The following C6 variants were observed in gnomAD, a reference collection of about 807,000 sequenced individuals.
The protein encoded by C6 is complement C6.
Under a neutral mutation model 112.9 loss-of-function variants are expected in C6, and 101 were observed. That is an observed-to-expected ratio of 0.89 (90% CI 0.76 to 1.06). The LOEUF is 1.06. Ranked by LOEUF, C6 falls within the 50% of genes least tolerant of loss-of-function variation. The probability of loss-of-function intolerance (pLI) is 0.00; values close to 1 mark genes in which losing one functional copy is unlikely to be tolerated. For missense variants in C6, 1,202 were observed against 1,104.6 expected (o/e 1.09, Z -1.25); for synonymous variants, 431 against 384.1 (o/e 1.12, Z -1.43).
intron 10 of C6, 41 bp from the exon 11 acceptor site, chr5:41,160,408 T>A (rs757442577): frequency 1.7e-5 from 25 of 1,502,314 alleles, no homozygotes; most frequent in South Asian, 2.3e-5. Context: ...TCACATCCCC[T>A]TTGGTAATAG....
chr5:41,207,730 A>T (rs1404863165), intron 1 of C6, among the ~76,000 whole-genome samples: 1 of 152,054 alleles, frequency 6.6e-6, no homozygotes, highest in African/African-American at 2.4e-5. Context: ...TCATAAAGCC[A>T]GTCCTTAGAG....
intron 1 of C6, among the ~76,000 whole-genome samples, chr5:41,244,136 A>G (rs932016540): frequency 6.6e-6 from 1 of 152,238 alleles, no homozygotes; most frequent in East Asian, 1.9e-4. Flanking sequence ...TTTTGAACTT[A>G]ATGTGTGAAA....
chr5:41,226,706 T>A (rs11953461), intron 1 of C6, among the ~76,000 whole-genome samples: 1,534 of 152,280 alleles, frequency 0.01, 33 homozygotes, highest in African/African-American at 0.035. Flanking sequence ...GATCACACAA[T>A]GTTTGTCTTT....
At chr5:41,183,745 A>C (rs1749537389) in intron 6 of C6, among the ~76,000 whole-genome samples, 1 of 152,320 alleles carries the variant, frequency 6.6e-6, no homozygotes, top group Non-Finnish European at 1.5e-5. Context: ...GCCAATCAGC[A>C]GTGGATTGGA....
intron 1 of C6, among the ~76,000 whole-genome samples, chr5:41,247,387 A>G (rs1389347737): frequency 2.6e-5 from 4 of 152,182 alleles, no homozygotes; most frequent in Non-Finnish European, 5.9e-5. Context: ...ATACATTAAT[A>G]ATGTTCAAGC....
At chr5:41,168,065 A>G (rs1035150928) in intron 9 of C6, among the ~76,000 whole-genome samples, 18 of 152,156 alleles carry the variant, frequency 1.2e-4, no homozygotes, top group Non-Finnish European at 2.2e-4. Context: ...AGTTTACACA[A>G]TCATAACTGA....
chr5:41,155,137 G>T, intron 13 of C6, 33 bp from the exon 14 acceptor site: 1 of 1,584,248 alleles, frequency 6.3e-7, no homozygotes, highest in Non-Finnish European at 8.7e-7. Flanking sequence ...AATTATTAAT[G>T]CTATGAATAA....
upstream of C6, chr5:41,213,618 A>T: frequency 1.1e-6 from 1 of 897,478 alleles, no homozygotes; most frequent in Non-Finnish European, 1.3e-6. Context: ...TAACCCTGAA[A>T]CTCTGGGTGT....
intron 9 of C6, among the ~76,000 whole-genome samples, chr5:41,168,447 T>C (rs1024120274): frequency 1.9e-4 from 29 of 152,172 alleles, no homozygotes; most frequent in African/African-American, 6.5e-4. Flanking sequence ...GCCAAACTTT[T>C]AGCAGAAAAA....
At chr5:41,172,576 C>A in intron 8 of C6, 1 of 582,338 alleles carries the variant, frequency 1.7e-6, no homozygotes, top group East Asian at 3.0e-5. Flanking sequence ...CCATCATCTC[C>A]CCTTTCAGCA....
intron 6 of C6, 43 bp from the exon 7 acceptor site, chr5:41,181,602 A>G: frequency 1.4e-6 from 2 of 1,457,340 alleles, no homozygotes; most frequent in Non-Finnish European, 1.9e-6. Context: ...TTTAGGAAAT[A>G]CTGGAGCGAC....
intron 1 of C6, among the ~76,000 whole-genome samples, chr5:41,253,281 G>A (rs1233156388): frequency 1.3e-5 from 2 of 152,064 alleles, no homozygotes; most frequent in African/African-American, 4.8e-5. Context: ...AACCTCTTGG[G>A]TGGTTCTTTG....
chr5:41,184,105 A>G (rs1749576810), intron 6 of C6, among the ~76,000 whole-genome samples: 1 of 151,762 alleles, frequency 6.6e-6, no homozygotes, highest in Non-Finnish European at 1.5e-5. Flanking sequence ...AAACTCGCAT[A>G]TGTATTCCCT....
At chr5:41,209,874 T>C (rs914883244) in intron 1 of C6, among the ~76,000 whole-genome samples, 8 of 152,250 alleles carry the variant, frequency 5.3e-5, no homozygotes, top group African/African-American at 1.9e-4. Context: ...TACTTTAAGG[T>C]TCATATGGTA....
At position 41,161,740 on chromosome 5, in the gene C6, C is replaced by A; in HGVS notation, c.1411G>T (p.Glu471Ter). ...TTTTCCTTCACTGATTCTAACCACT[C>A]AGAAAATGTCTTCTCCTCCAGACCA... is the stretch of plus-strand genomic sequence containing the variant. ...SSGLEEKTFS[E>*]WLESVKENPA... Residue 471 changes from glutamate to a stop codon, truncating the protein, a stop_gained, in exon 10 of 18, where the codon GAG (glutamate) becomes TAG (stop). Coordinates refer to ENST00000337836, the MANE Select transcript of C6 (RefSeq NM_000065.5). LOFTEE classifies it high-confidence loss of function. 6.2e-7 allele frequency: 1 copy of A among 1,613,640 alleles called. No individual in the cohort carries two copies. The highest frequency in any genetic ancestry group is 1.1e-5 in the South Asian group (1 of 91,070).
At chr5:41,227,046 T>G (rs746675712) in intron 1 of C6, among the ~76,000 whole-genome samples, 1 of 152,200 alleles carries the variant, frequency 6.6e-6, no homozygotes, top group Non-Finnish European at 1.5e-5. Flanking sequence ...TTTTCTATAA[T>G]GTCTGTACAA....
chr5:41,172,093 A>C, intron 9 of C6, 132 bp downstream of exon 9: 1 of 942,986 alleles, frequency 1.1e-6, no homozygotes, highest in Non-Finnish European at 1.7e-6. Flanking sequence ...CTATTCCAAC[A>C]CACAGGGTTC....
chr5:41,174,663 A>G (rs866027560), intron 8 of C6, among the ~76,000 whole-genome samples: 1 of 152,214 alleles, frequency 6.6e-6, no homozygotes, highest in South Asian at 2.1e-4. Context: ...ATGCAAATAA[A>G]AGGCAATTTA....
chr5:41,228,331 T>A (rs1424899008), intron 1 of C6, among the ~76,000 whole-genome samples: 2 of 152,136 alleles, frequency 1.3e-5, no homozygotes, highest in Non-Finnish European at 2.9e-5. Context: ...CTTTACCAAA[T>A]TTGTTTATTG....
Sources: gnomAD v4.1 joint callset for allele counts (sites outside exome capture counted in the v4.1 genomes callset) on GRCh38, gnomAD v4.1.1 for gene constraint, MANE v1.5 for transcripts, NCBI Gene and HGNC (gene_info 2026-07-23, HGNC 2026-07-21) for gene names.